STK32A: variants seen among roughly 807,000 people sequenced by gnomAD.
STK32A encodes the protein serine/threonine-protein kinase 32A.
STK32A carries 41 observed loss-of-function variants against 53.2 expected under a neutral mutation model. The observed-to-expected ratio is 0.77, with a 90% CI of 0.60 to 1.00. The LOEUF (loss-of-function observed/expected upper bound fraction) is 1.00. Ranked by LOEUF, STK32A falls within the 50% of genes least tolerant of loss-of-function variation. STK32A has a pLI of 0.00. For synonymous variants in STK32A, 166 were observed against 162.8 expected, an observed-to-expected ratio of 1.02 and a Z score of -0.15; for missense variants, 458 against 485.8, an observed-to-expected ratio of 0.94 and a Z score of 0.54.
the STK32A span, chr5:147,397,663 T>C: frequency 1.9e-6 from 3 of 1,612,694 alleles, no homozygotes; most frequent in Non-Finnish European, 2.5e-6. Flanking sequence ...CAATGCTTTT[T>C]ACCTTCCTCC....
chr5:147,366,918 G>C (rs140428381), intron 8 of STK32A, among the ~76,000 whole-genome samples: 52 of 151,160 alleles, frequency 3.4e-4, no homozygotes, highest in African/African-American at 8.7e-4. Context: ...CAGCTTTCTA[G>C]ATCAGAACAC....
At chr5:147,331,127 A>G (rs1334416053) in intron 5 of STK32A, among the ~76,000 whole-genome samples, 1 of 152,216 alleles carries the variant, frequency 6.6e-6, no homozygotes, top group African/African-American at 2.4e-5. Context: ...GTGACACCTC[A>G]GGTTTCTGAA....
chr5:147,271,650 A>G (rs1036163751), intron 2 of STK32A, among the ~76,000 whole-genome samples: 7 of 152,180 alleles, frequency 4.6e-5, no homozygotes, highest in South Asian at 2.1e-4. Flanking sequence ...GTGGGCCTCT[A>G]AAATGGCCCC....
intron 5 of STK32A, among the ~76,000 whole-genome samples, chr5:147,330,271 A>G (rs370870135): frequency 7.7e-4 from 117 of 152,324 alleles, no homozygotes; most frequent in African/African-American, 2.6e-3. Flanking sequence ...TGTAGGACCC[A>G]TGGTGGCTAC....
intron 2 of STK32A, among the ~76,000 whole-genome samples, chr5:147,273,921 G>C (rs553411260): frequency 2.0e-5 from 3 of 152,208 alleles, no homozygotes; most frequent in African/African-American, 7.2e-5. Flanking sequence ...AGGATGTGAA[G>C]ATAGAAAGTG....
chr5:147,379,610 C>T lies in STK32A; in HGVS notation c.1033-3831C>T, dbSNP rs76113201. Among the ~76,000 whole-genome samples the T allele has an allele frequency of 5.5e-4, 83 of 152,124 alleles. 1 individual carries two copies. In the East Asian group the frequency reaches 0.015, roughly 27 times the overall value. ...TCAGATGCCTCTATTGTTTCTTTCC[C>T]CCCAGAATATCCTCCACTTTATCTT... On this transcript the variant is annotated intron_variant, in intron 11 of 12. Transcript: ENST00000397936.
chr5:147,395,944 G>A, the STK32A span, among the ~76,000 whole-genome samples: 1 of 152,148 alleles, frequency 6.6e-6, no homozygotes, highest in African/African-American at 2.4e-5. Context: ...AAATAGATGA[G>A]CTTCGATCAG....
chr5:147,343,153 C>G, intron 6 of STK32A, 110 bp downstream of exon 6: 1 of 1,220,098 alleles, frequency 8.2e-7, no homozygotes, highest in Non-Finnish European at 1.2e-6. Context: ...TCTATTCATT[C>G]GAGCTCTACT....
chr5:147,341,637 G>A (rs1401396858), intron 5 of STK32A, among the ~76,000 whole-genome samples: 1 of 152,044 alleles, frequency 6.6e-6, no homozygotes, highest in Non-Finnish European at 1.5e-5. Flanking sequence ...ACACACCACT[G>A]TGCCTGGCAA....
intron 5 of STK32A, among the ~76,000 whole-genome samples, chr5:147,324,594 T>G (rs530502392): frequency 5.5e-4 from 83 of 152,136 alleles, no homozygotes; most frequent in African/African-American, 1.8e-3. Flanking sequence ...ACAAATAACA[T>G]AAGAAACCAT....
intron 4 of STK32A, among the ~76,000 whole-genome samples, chr5:147,281,765 G>A (rs1680465472): frequency 6.6e-6 from 1 of 152,076 alleles, no homozygotes; most frequent in Admixed American, 6.5e-5. Context: ...AAACACCTGG[G>A]TAATTCATCG....
At chr5:147,269,527 T>C (rs1422260886) in intron 2 of STK32A, among the ~76,000 whole-genome samples, 1 of 152,238 alleles carries the variant, frequency 6.6e-6, no homozygotes, top group Non-Finnish European at 1.5e-5. Flanking sequence ...GAATTGACTT[T>C]GCCTTTAGCG....
At chr5:147,259,592 G>A (rs10059378) in intron 2 of STK32A, among the ~76,000 whole-genome samples, 9,611 of 151,666 alleles carry the variant, frequency 0.063, 1,063 homozygotes, top group African/African-American at 0.22. Context: ...TGTGCACAAC[G>A]TGCAGGTTTG....
chr5:147,288,426 T>C (rs1365112640), intron 4 of STK32A, among the ~76,000 whole-genome samples: 1 of 152,204 alleles, frequency 6.6e-6, no homozygotes, highest in Admixed American at 6.5e-5. Context: ...TGTGAGTGTA[T>C]TAGTCAGTTC....
intron 7 of STK32A, among the ~76,000 whole-genome samples, chr5:147,358,107 C>T (rs986933629): frequency 6.6e-6 from 1 of 151,694 alleles, no homozygotes; most frequent in Non-Finnish European, 1.5e-5. Flanking sequence ...TATGTCCTGA[C>T]CAAAATTTAA....
Position 147,300,893 on chromosome 5 carries a change from G to A in STK32A, c.260+21495G>A, listed in dbSNP as rs149935595. 5.0e-3 allele frequency among the ~76,000 whole-genome samples: 760 copies of A among 152,284 alleles called. 5 individuals carry two copies. The highest frequency in any genetic ancestry group is 7.4e-3 in the Non-Finnish European group (500 of 68,016). The stretch of plus-strand genomic sequence containing the variant: ...CTTCAAGCACCTCACAAAGTACGTG[G>A]TTGATAAATGGTGACTTTACACAAC... On this transcript the variant is annotated intron_variant, in intron 4 of 12. Coordinates refer to ENST00000397936, the MANE Select transcript of STK32A (RefSeq NM_001112724.2).
At chr5:147,348,647 C>G (rs762244015) in intron 6 of STK32A, 1 of 756,954 alleles carries the variant, frequency 1.3e-6, no homozygotes, top group Non-Finnish European at 2.5e-6. Context: ...AGTTGCATGT[C>G]TGGCTGCTCA....
At chr5:147,267,098 C>T (rs2151949603) in intron 2 of STK32A, among the ~76,000 whole-genome samples, 1 of 151,606 alleles carries the variant, frequency 6.6e-6, no homozygotes, top group African/African-American at 2.4e-5. Flanking sequence ...GTAACAATAG[C>T]AATAACATAA....
At chr5:147,294,414 A>C (rs1315713772) in intron 4 of STK32A, among the ~76,000 whole-genome samples, 3 of 151,962 alleles carry the variant, frequency 2.0e-5, no homozygotes, top group Admixed American at 2.0e-4. Flanking sequence ...GGCATGCACC[A>C]CCATGCCGGG....
Sources: allele counts gnomAD v4.1 joint callset (sites outside exome capture counted in the v4.1 genomes callset), GRCh38; gene constraint gnomAD v4.1.1; transcripts MANE v1.5; gene names NCBI Gene and HGNC (gene_info 2026-07-23, HGNC 2026-07-21).